ATIC: variants seen among roughly 807,000 people sequenced by gnomAD.
The protein encoded by ATIC is bifunctional purine biosynthesis protein ATIC.
ATIC carries 64 observed loss-of-function variants against 72.5 expected under a neutral mutation model. The ratio of observed to expected loss-of-function variants is 0.88; its 90% CI spans 0.72 to 1.09. The LOEUF is 1.09. Ranked by LOEUF, ATIC falls within the 50% of genes least tolerant of loss-of-function variation. The pLI is 0.00. For missense variants in ATIC, 787 were observed against 732.4 expected, an observed-to-expected ratio of 1.07 and a Z score of -0.86; for synonymous variants, 281 against 267.1, an observed-to-expected ratio of 1.05 and a Z score of -0.51.
chr2:215,346,524 G>A (rs542320891), intron 13 of ATIC, among the ~76,000 whole-genome samples: 1 of 150,992 alleles, frequency 6.6e-6, no homozygotes, highest in East Asian at 1.9e-4. Context: ...TTGAATTGTA[G>A]ATTATTAATA....
At chr2:215,317,114 C>T (rs192883925) in intron 2 of ATIC, among the ~76,000 whole-genome samples, 1 of 152,304 alleles carries the variant, frequency 6.6e-6, no homozygotes, top group Non-Finnish European at 1.5e-5. Context: ...ACCATTACAA[C>T]TTATAAAGTC....
chr2:215,365,185 A>G, the ATIC span, among the ~76,000 whole-genome samples: 2 of 152,218 alleles, frequency 1.3e-5, no homozygotes, highest in African/African-American at 4.8e-5. Context: ...AATACACTGG[A>G]AAGGGTCCAA....
intron 2 of ATIC, among the ~76,000 whole-genome samples, chr2:215,316,023 A>G (rs1292679718): frequency 2.0e-5 from 3 of 152,028 alleles, no homozygotes; most frequent in African/African-American, 7.2e-5. Flanking sequence ...GTTATCTGCA[A>G]TAATTTTATC....
chr2:215,338,710 A>T, intron 11 of ATIC, 69 bp from the exon 12 acceptor site: 1 of 1,506,416 alleles, frequency 6.6e-7, no homozygotes, highest in Non-Finnish European at 9.1e-7. Context: ...AATCTTTTGT[A>T]TATAAATTAA....
chr2:215,340,613 G>T (rs1457272959), intron 12 of ATIC, among the ~76,000 whole-genome samples: 1 of 152,146 alleles, frequency 6.6e-6, no homozygotes, highest in African/African-American at 2.4e-5. Context: ...GGCAGATAAG[G>T]TGTAGGAGGT....
At chr2:215,320,760 T>G (rs578260515) in intron 4 of ATIC, among the ~76,000 whole-genome samples, 71 of 152,206 alleles carry the variant, frequency 4.7e-4, no homozygotes, top group African/African-American at 1.6e-3. Flanking sequence ...TTACTATTTT[T>G]AGTAGAGATG....
At chr2:215,326,648 G>A (rs1257134855) in intron 6 of ATIC, among the ~76,000 whole-genome samples, 174 bp from the exon 7 acceptor site, 2 of 151,986 alleles carry the variant, frequency 1.3e-5, no homozygotes, top group African/African-American at 2.4e-5. Context: ...TTGGAAAGGG[G>A]TAATTTGTTG....
At position 215,338,947 on chromosome 2, in the gene ATIC, C is replaced by G. The variant is rs2052986972; in HGVS notation, c.1227+40C>G. 1.9e-6 allele frequency: 3 copies of G among 1,608,984 alleles called. No homozygotes were observed. In the African/African-American group the frequency reaches 4.0e-5, roughly 22 times the overall value. On this transcript the variant is annotated intron_variant, in intron 12 of 15. Coordinates refer to ENST00000236959, the MANE Select transcript of ATIC (RefSeq NM_004044.7). Reference sequence around the variant, plus strand: ...ATCTGAACTGACTGCTAGTAACTTCCATTGGTCTGTTTTCAATACTTAATG... The same window carrying G: ...ATCTGAACTGACTGCTAGTAACTTCGATTGGTCTGTTTTCAATACTTAATG...
the ATIC span, among the ~76,000 whole-genome samples, chr2:215,367,221 A>ATT: frequency 4.6e-5 from 7 of 152,248 alleles, no homozygotes; most frequent in African/African-American, 1.7e-4. Flanking sequence ...ATCTCAAAGC[A>ATT]TAATAGATAT....
chr2:215,361,682 GA>G, the ATIC span: 96 of 1,321,232 alleles, frequency 7.3e-5, no homozygotes, highest in South Asian at 9.5e-5. Flanking sequence ...AAAGTGTACA[GA>G]AAAAAAAATG....
chr2:215,365,776 C>A, the ATIC span: 1 of 470,594 alleles, frequency 2.1e-6, no homozygotes, highest in Admixed American at 4.0e-5. Context: ...CTATAATGGG[C>A]CATTTATTTT....
chr2:215,344,708 T>A, intron 12 of ATIC, 71 bp from the exon 13 acceptor site: 2 of 1,447,894 alleles, frequency 1.4e-6, no homozygotes, highest in African/African-American at 2.8e-5. Context: ...AAATAATATT[T>A]AAAAAAAGAA....
In ATIC at chr2:215,332,503, A is replaced by G. The variant is rs1366221662; in HGVS notation, c.810A>G (p.Pro270=). Residue 270 remains proline (P), a synonymous_variant, in exon 8 of 16, where the codon CCA becomes CCG. Transcript: ENST00000236959. ...CTGCCTCTTTCAAACATGTCAGCCC[A>G]GCAGGTAAAGCTCTGTGCTCTGGAA... is the stretch of plus-strand genomic sequence containing the variant. ...PAAASFKHVS[P]AGAAVGIPLS... The G allele has an allele frequency of 6.2e-7, 1 of 1,614,050 alleles. No individual in the cohort carries two copies. The highest frequency in any genetic ancestry group is 2.2e-5 in the East Asian group (1 of 44,892).
intron 11 of ATIC, among the ~76,000 whole-genome samples, chr2:215,338,078 A>G (rs1575122451): frequency 6.6e-6 from 1 of 152,240 alleles, no homozygotes; most frequent in Admixed American, 6.5e-5. Flanking sequence ...TATAAATTAT[A>G]TGTCAGGGCT....
intron 12 of ATIC, among the ~76,000 whole-genome samples, chr2:215,339,572 G>A (rs1365216212): frequency 6.6e-6 from 1 of 152,208 alleles, no homozygotes; most frequent in East Asian, 1.9e-4. Context: ...GTCAGTCCAT[G>A]TGTAGATGTA....
At chr2:215,353,060 T>C (rs755007823), downstream of ATIC, among the ~76,000 whole-genome samples, 1 of 152,248 alleles carries the variant, frequency 6.6e-6, no homozygotes, top group African/African-American at 2.4e-5. Context: ...CCTGCAGGTT[T>C]ATAAATGTTC....
chr2:215,320,440 A>G (rs1454566481), intron 4 of ATIC, among the ~76,000 whole-genome samples: 8 of 152,186 alleles, frequency 5.3e-5, no homozygotes, highest in Admixed American at 4.6e-4. Context: ...GCCAGCATCA[A>G]CTTCTGGTGA....
At chr2:215,334,189 CTTTTTTTTTTTT>C (rs551274501) in intron 9 of ATIC, among the ~76,000 whole-genome samples, 1 of 101,004 alleles carries the variant, frequency 9.9e-6, no homozygotes. Context: ...AAAAGCTATT[CTTTTTTTTTTTT>C]TTTTTTTTTT....
chr2:215,330,533 A>G (rs1406171089), intron 7 of ATIC, among the ~76,000 whole-genome samples: 3 of 152,162 alleles, frequency 2.0e-5, no homozygotes, highest in Non-Finnish European at 4.4e-5. Flanking sequence ...ATAGTTTAAC[A>G]TTCATTCTTT....
Sources: allele counts gnomAD v4.1 joint callset (sites outside exome capture counted in the v4.1 genomes callset), GRCh38; gene constraint gnomAD v4.1.1; transcripts MANE v1.5; gene names NCBI Gene and HGNC (gene_info 2026-07-23, HGNC 2026-07-21).